SRGAP3: variants seen among roughly 807,000 people sequenced by gnomAD.
The protein encoded by SRGAP3 is SLIT-ROBO Rho GTPase activating protein 3, also known as SLIT-ROBO Rho GTPase-activating protein 3.
SRGAP3 carries 39 observed loss-of-function variants against 121.1 expected under a neutral mutation model. The ratio of observed to expected loss-of-function variants is 0.32; its 90% CI spans 0.25 to 0.42. The LOEUF is 0.42. SRGAP3 is among the 10% of genes least tolerant of loss of function. The probability of loss-of-function intolerance (pLI) is 1.00; values close to 1 mark genes in which losing one functional copy is unlikely to be tolerated. For synonymous variants in SRGAP3, 601 were observed against 570.0 expected (o/e 1.05, Z -0.77); for missense variants, 1,213 against 1,470.6 (o/e 0.82, Z 2.86).
At chr3:9,277,538 G>T (rs1420955213) in intron 3 of SRGAP3, among the ~76,000 whole-genome samples, 1 of 148,760 alleles carries the variant, frequency 6.7e-6, no homozygotes, top group Non-Finnish European at 1.5e-5. Context: ...AACCCGGGAG[G>T]CGGAGGTTGC....
At chr3:9,083,076 A>C (rs148131235) in intron 3 of SRGAP3, among the ~76,000 whole-genome samples, 1 of 152,120 alleles carries the variant, frequency 6.6e-6, no homozygotes, top group Non-Finnish European at 1.5e-5. Context: ...CCAATTAGCT[A>C]TCCCCATTTC....
At chr3:8,990,113 G>A (rs1180921458) in intron 21 of SRGAP3, among the ~76,000 whole-genome samples, 4 of 152,194 alleles carry the variant, frequency 2.6e-5, no homozygotes, top group Non-Finnish European at 1.5e-5. Flanking sequence ...GCATGGTGAC[G>A]GCCACATGAT....
chr3:9,204,659 T>G (rs1312880613), intron 1 of SRGAP3, among the ~76,000 whole-genome samples: 18 of 152,220 alleles, frequency 1.2e-4, no homozygotes, highest in Non-Finnish European at 7.3e-5. Context: ...GTCTTTTTTT[T>G]TTTTAAGTCC....
chr3:9,090,897 A>C (rs1947725762), intron 3 of SRGAP3, among the ~76,000 whole-genome samples: 3 of 152,292 alleles, frequency 2.0e-5, no homozygotes, highest in Non-Finnish European at 1.5e-5. Context: ...TCAACCTCCC[A>C]AAGAGCTGGG....
chr3:9,202,450 C>T (rs1173254181), intron 1 of SRGAP3, among the ~76,000 whole-genome samples: 1 of 152,228 alleles, frequency 6.6e-6, no homozygotes, highest in Non-Finnish European at 1.5e-5. Context: ...CTCCAGGGAG[C>T]TGAAAACCCT....
At chr3:9,004,950 T>C (rs771917332) in intron 18 of SRGAP3, among the ~76,000 whole-genome samples, 2 of 152,198 alleles carry the variant, frequency 1.3e-5, no homozygotes, top group Non-Finnish European at 2.9e-5. Flanking sequence ...CTTTTGTGCT[T>C]CAAAGGGTAT....
chr3:9,208,344 C>A (rs1264379591), intron 1 of SRGAP3, among the ~76,000 whole-genome samples: 2 of 152,176 alleles, frequency 1.3e-5, no homozygotes, highest in Non-Finnish European at 1.5e-5. Flanking sequence ...GGAGCTGGAG[C>A]CTGAAACCCC....
At chr3:9,059,495 C>T (rs1318463842) in intron 6 of SRGAP3, 1 of 152,724 alleles carries the variant, frequency 6.5e-6, no homozygotes, top group Admixed American at 6.5e-5. Flanking sequence ...GGAAAAGAGT[C>T]CATCGACCAT....
chr3:9,207,919 T>A (rs564065232), intron 1 of SRGAP3, among the ~76,000 whole-genome samples: 1 of 152,222 alleles, frequency 6.6e-6, no homozygotes, highest in Non-Finnish European at 1.5e-5. Context: ...GTTGCTCTTA[T>A]GGAACATAAT....
intron 1 of SRGAP3, among the ~76,000 whole-genome samples, chr3:9,207,322 C>T (rs182681176): frequency 6.6e-6 from 1 of 152,102 alleles, no homozygotes; most frequent in Non-Finnish European, 1.5e-5. Flanking sequence ...ACAGTGGCAA[C>T]AAAGAAAGAG....
intron 2 of SRGAP3, among the ~76,000 whole-genome samples, chr3:9,117,852 G>T (rs1384804392): frequency 1.3e-5 from 2 of 152,156 alleles, no homozygotes; most frequent in Non-Finnish European, 2.9e-5. Flanking sequence ...AGGTGCGGTG[G>T]TTCTGCCTAT....
intron 2 of SRGAP3, among the ~76,000 whole-genome samples, chr3:9,106,156 G>A (rs926647812): frequency 6.6e-6 from 1 of 152,222 alleles, no homozygotes; most frequent in Non-Finnish European, 1.5e-5. Context: ...TGAGCCTCAG[G>A]AAAGGGTGGA....
intron 7 of SRGAP3, among the ~76,000 whole-genome samples, chr3:9,057,995 C>A (rs757607879): frequency 7.9e-5 from 12 of 152,084 alleles, no homozygotes; most frequent in South Asian, 2.1e-4. Flanking sequence ...CTGGGGCTCC[C>A]TTGGAGTCTT....
At chr3:9,137,441 C>T (rs1270034975) in intron 1 of SRGAP3, among the ~76,000 whole-genome samples, 1 of 152,102 alleles carries the variant, frequency 6.6e-6, no homozygotes, top group Non-Finnish European at 1.5e-5. Flanking sequence ...CTCACCACTA[C>T]CAGCTCCTCC....
chr3:9,190,120 C>T (rs957683092), intron 1 of SRGAP3, among the ~76,000 whole-genome samples: 8 of 152,160 alleles, frequency 5.3e-5, no homozygotes, highest in Non-Finnish European at 5.9e-5. Flanking sequence ...GATTGACACA[C>T]GGCAAGAATA....
At chr3:9,328,154 T>C (rs2125285016) in intron 2 of SRGAP3, among the ~76,000 whole-genome samples, 1 of 152,356 alleles carries the variant, frequency 6.6e-6, no homozygotes, top group African/African-American at 2.4e-5. Context: ...CAAAGGTTAC[T>C]AAAGTTACAT....
chr3:9,116,978 G>A (rs1948828512), intron 2 of SRGAP3, among the ~76,000 whole-genome samples: 2 of 152,252 alleles, frequency 1.3e-5, no homozygotes, highest in South Asian at 2.1e-4. Flanking sequence ...ATGTGGATGT[G>A]TGGGGTGCTT....
At chr3:9,194,708 T>C (rs190048796) in intron 1 of SRGAP3, among the ~76,000 whole-genome samples, 1 of 152,340 alleles carries the variant, frequency 6.6e-6, no homozygotes, top group Admixed American at 6.5e-5. Context: ...AAGTCAACAC[T>C]AGAACCCAGG....
chr3:9,022,110 C>T (rs499773), intron 14 of SRGAP3, among the ~76,000 whole-genome samples: 74,345 of 152,040 alleles, frequency 0.49, 18,450 homozygotes, highest in South Asian at 0.65. Flanking sequence ...GGGTGGATCA[C>T]GAGGTCAGGA....
Sources: allele counts gnomAD v4.1 joint callset (sites outside exome capture counted in the v4.1 genomes callset), GRCh38; gene constraint gnomAD v4.1.1; transcripts MANE v1.5; gene names NCBI Gene and HGNC (gene_info 2026-07-23, HGNC 2026-07-21).